KCNN2: variants seen among roughly 807,000 people sequenced by gnomAD.
KCNN2 encodes the protein small conductance calcium-activated potassium channel protein 2.
In KCNN2, 24 loss-of-function variants were observed where a neutral mutation model predicts 55.5. The observed-to-expected ratio is 0.43, with a 90% CI of 0.31 to 0.61. KCNN2 has a LOEUF of 0.61. Among genes scored for constraint, KCNN2 ranks in the 20% least tolerant of loss-of-function variants. The pLI is 0.08. For missense variants in KCNN2, 754 were observed against 853.6 expected, an observed-to-expected ratio of 0.88 and a Z score of 1.45; for synonymous variants, 431 against 336.1, an observed-to-expected ratio of 1.28 and a Z score of -3.09.
At chr5:114,393,327 T>C (rs1197863338) in intron 2 of KCNN2, among the ~76,000 whole-genome samples, 2 of 152,198 alleles carry the variant, frequency 1.3e-5, no homozygotes, top group Non-Finnish European at 2.9e-5. Flanking sequence ...ATGTAATGGC[T>C]CAAGGATTTG....
intron 2 of KCNN2, among the ~76,000 whole-genome samples, chr5:114,270,304 G>A (rs1161824201): frequency 6.6e-6 from 1 of 152,170 alleles, no homozygotes; most frequent in Non-Finnish European, 1.5e-5. Context: ...TAACAATCCT[G>A]ACATTTATAT....
At position 114,136,314 on chromosome 5, in the gene KCNN2, T is replaced by C. The variant is rs575729015; in HGVS notation, c.-271+79814T>C. On this transcript the variant is annotated intron_variant, in intron 1 of 10. Coordinates refer to the KCNN2 transcript ENST00000512097. ...GTGAGTTCAGCCCTCACGTGCTCACTTGCTCTTGTCCTCTTTTGCCTGTCT... is the reference window on the plus strand; with the variant it reads ...GTGAGTTCAGCCCTCACGTGCTCACCTGCTCTTGTCCTCTTTTGCCTGTCT... Among the ~76,000 whole-genome samples, 7 of 152,296 alleles carry C rather than the reference T, an allele frequency of 4.6e-5. No homozygotes were observed. The South Asian group carries it at 8.3e-4, about 18-fold the overall frequency.
chr5:114,440,149 GA>G (rs1409057575), intron 3 of KCNN2, among the ~76,000 whole-genome samples: 1 of 151,886 alleles, frequency 6.6e-6, no homozygotes, highest in Non-Finnish European at 1.5e-5. Context: ...AAAGAAAAAA[GA>G]AACCTACATG....
At chr5:114,177,373 G>A (rs1753157089) in intron 1 of KCNN2, among the ~76,000 whole-genome samples, 1 of 151,964 alleles carries the variant, frequency 6.6e-6, no homozygotes, top group Non-Finnish European at 1.5e-5. Flanking sequence ...TCCTGACCTC[G>A]TGATCCACCC....
intron 1 of KCNN2, among the ~76,000 whole-genome samples, chr5:114,108,272 T>TCA (rs145651111): frequency 0.016 from 2,485 of 152,166 alleles, 52 homozygotes; most frequent in African/African-American, 0.056. Flanking sequence ...ATTAGATTAT[T>TCA]CATAGTTTGT....
At chr5:114,465,586 T>G (rs1216824037) in intron 4 of KCNN2, among the ~76,000 whole-genome samples, 1 of 149,518 alleles carries the variant, frequency 6.7e-6, no homozygotes, top group Non-Finnish European at 1.5e-5. Context: ...CACTCTAGCC[T>G]GGGCAACAAG....
intron 2 of KCNN2, among the ~76,000 whole-genome samples, chr5:114,269,665 G>C (rs1410761317): frequency 1.3e-5 from 2 of 152,096 alleles, no homozygotes; most frequent in African/African-American, 4.8e-5. Flanking sequence ...GTTCATCTAT[G>C]AACTCCAGAG....
intron 1 of KCNN2, among the ~76,000 whole-genome samples, chr5:114,199,914 G>A (rs13188169): frequency 1.1e-4 from 16 of 152,020 alleles, no homozygotes; most frequent in Non-Finnish European, 1.5e-4. Flanking sequence ...TAGGTGACTA[G>A]ATGTTTTTCT....
intron 1 of KCNN2, among the ~76,000 whole-genome samples, chr5:114,088,977 T>C (rs953001858): frequency 3.3e-5 from 5 of 152,206 alleles, no homozygotes; most frequent in African/African-American, 1.2e-4. Flanking sequence ...CTCACCATAC[T>C]GAGTTTTTTA....
upstream of KCNN2, chr5:114,361,103 C>A (rs1370920829): frequency 6.6e-6 from 1 of 152,254 alleles, no homozygotes; most frequent in Non-Finnish European, 1.5e-5. Flanking sequence ...AGCCCAGGAC[C>A]CGGCGGCCGG....
intron 2 of KCNN2, among the ~76,000 whole-genome samples, chr5:114,398,185 C>T (rs1033483361): frequency 1.3e-5 from 2 of 152,076 alleles, no homozygotes; most frequent in African/African-American, 4.8e-5. Context: ...GTCTATAACC[C>T]ATTTAGAATT....
At chr5:114,086,263 A>C (rs1297936860) in intron 1 of KCNN2, among the ~76,000 whole-genome samples, 1 of 151,622 alleles carries the variant, frequency 6.6e-6, no homozygotes, top group East Asian at 1.9e-4. Flanking sequence ...CTGTTTATTT[A>C]TTTACTCATT....
At chr5:114,245,011 A>C (rs1199258010) in intron 2 of KCNN2, among the ~76,000 whole-genome samples, 1 of 152,256 alleles carries the variant, frequency 6.6e-6, no homozygotes, top group Non-Finnish European at 1.5e-5. Context: ...ATAAAAGCCA[A>C]GAAATAATAG....
chr5:114,109,555 T>TG (rs1751553244), intron 1 of KCNN2, among the ~76,000 whole-genome samples: 1 of 152,084 alleles, frequency 6.6e-6, no homozygotes, highest in Non-Finnish European at 1.5e-5. Context: ...CACTTTTTTT[T>TG]GTCTTAGCCA....
chr5:114,290,479 C>A (rs1178303001), intron 2 of KCNN2, among the ~76,000 whole-genome samples: 2 of 151,668 alleles, frequency 1.3e-5, no homozygotes, highest in Non-Finnish European at 2.9e-5. Flanking sequence ...TTGCATCTTC[C>A]CTCTTTTTTT....
chr5:114,394,661 T>G (rs956454231), intron 2 of KCNN2, among the ~76,000 whole-genome samples: 1 of 152,234 alleles, frequency 6.6e-6, no homozygotes, highest in African/African-American at 2.4e-5. Flanking sequence ...AACACTTGTA[T>G]GGGTATGAGG....
chr5:114,072,699 C>A (rs1385402810), intron 1 of KCNN2, among the ~76,000 whole-genome samples: 1 of 152,122 alleles, frequency 6.6e-6, no homozygotes, highest in Non-Finnish European at 1.5e-5. Context: ...GACTTTGCAA[C>A]TAAACCGCTT....
intron 1 of KCNN2, among the ~76,000 whole-genome samples, chr5:114,154,476 T>C (rs1434375439): frequency 6.6e-6 from 1 of 152,126 alleles, no homozygotes; most frequent in East Asian, 1.9e-4. Flanking sequence ...TGGATTGATT[T>C]TATTACCTAC....
intron 1 of KCNN2, among the ~76,000 whole-genome samples, chr5:114,160,428 G>T (rs1408111164): frequency 2.0e-5 from 3 of 152,136 alleles, no homozygotes; most frequent in Non-Finnish European, 2.9e-5. Context: ...TTCCAATTAT[G>T]TGGTCAATTT....
Sources: gnomAD v4.1 joint callset for allele counts (sites outside exome capture counted in the v4.1 genomes callset) on GRCh38, gnomAD v4.1.1 for gene constraint, MANE v1.5 for transcripts, NCBI Gene and HGNC (gene_info 2026-07-23, HGNC 2026-07-21) for gene names.